Variants in CD81 observed in about 807,000 individuals in gnomAD.
The protein encoded by CD81 is CD81 antigen.
CD81 carries 10 observed loss-of-function variants against 30.1 expected under a neutral mutation model. The observed-to-expected ratio is 0.33, with a 90% CI of 0.21 to 0.56. The LOEUF is 0.56. Among genes scored for constraint, CD81 ranks in the 20% least tolerant of loss-of-function variants. CD81 has a pLI of 0.89. For synonymous variants in CD81, 147 were observed against 126.4 expected (o/e 1.16, Z -1.10); for missense variants, 263 against 308.7 (o/e 0.85, Z 1.11).
rs559101599 is a variant in CD81 at position 2,381,038 on chromosome 11, G to A, written c.66+3423G>A. On this transcript the variant is annotated intron_variant, in intron 1 of 7. Coordinates refer to ENST00000263645, the MANE Select transcript of CD81 (RefSeq NM_004356.4). The stretch of plus-strand genomic sequence containing the variant: ...CTTTCGCCGTCCTTCCGGGAGAGGG[G>A]CTGCAACCCTGGCAGGCGCTGTGGG... Among the ~76,000 whole-genome samples, 7 of 152,364 alleles carry A rather than the reference G, an allele frequency of 4.6e-5. No homozygotes were observed. In the East Asian group the frequency reaches 1.2e-3, roughly 25 times the overall value.
chr11:2,390,677 A>AG, intron 2 of CD81, 151 bp downstream of exon 2: 1 of 699,102 alleles, frequency 1.4e-6, no homozygotes, highest in Non-Finnish European at 2.6e-6. Context: ...TCTGGGCACA[A>AG]GGGTTGAGAT....
rs1186843322 is a variant in CD81, at chr11:2,397,312, C to T, written c.*446C>T. On this transcript the variant is annotated 3_prime_UTR_variant, in exon 8 of 8. Transcript: ENST00000263645. ...TGTGGGCACTCTCTGCCTTCATGCA[C>T]CTGTCCTTTCTAACACGTCGCCTTC... 4 of 247,842 alleles carry T rather than the reference C, an allele frequency of 1.6e-5. No homozygotes were observed. Among genetic ancestry groups the T allele is most frequent in the African/African-American group, 4.6e-5 (2 of 43,948 alleles). 15.4% of individuals were successfully genotyped at this position (247,842 alleles called of 1,614,324 possible).
intron 5 of CD81, 116 bp from the exon 6 acceptor site, chr11:2,395,753 G>A: frequency 1.2e-6 from 1 of 807,564 alleles, no homozygotes; most frequent in Non-Finnish European, 2.1e-6. Context: ...CTGGCCCCTG[G>A]ATGCATTCTG....
chr11:2,390,625 G>T, intron 2 of CD81, 99 bp downstream of exon 2: 1 of 867,362 alleles, frequency 1.2e-6, no homozygotes, highest in Non-Finnish European at 1.9e-6. Flanking sequence ...AAAGACAGTC[G>T]GGCATGGCGT....
At chr11:2,383,988 A>G (rs1030780523) in intron 1 of CD81, among the ~76,000 whole-genome samples, 2 of 151,966 alleles carry the variant, frequency 1.3e-5, no homozygotes, top group Non-Finnish European at 2.9e-5. Context: ...TGGGTAGGGG[A>G]GCTGACCTAG....
At chr11:2,382,934 C>T (rs552919770) in intron 1 of CD81, among the ~76,000 whole-genome samples, 1 of 152,306 alleles carries the variant, frequency 6.6e-6, no homozygotes, top group African/African-American at 2.4e-5. Flanking sequence ...GACTTCCTGG[C>T]TTCCCTGCCT....
At chr11:2,387,102 C>T (rs1374647234) in intron 1 of CD81, among the ~76,000 whole-genome samples, 2 of 152,242 alleles carry the variant, frequency 1.3e-5, no homozygotes, top group African/African-American at 4.8e-5. Context: ...GGATCATCCC[C>T]TCAGCGCCCA....
At chr11:2,390,105 T>TACC in intron 1 of CD81, 1 of 512,290 alleles carries the variant, frequency 2.0e-6, no homozygotes, top group South Asian at 2.0e-5. Flanking sequence ...AAAGAAGTAT[T>TACC]CTGTTTTCAT....
chr11:2,393,942 G>T (rs753141911), intron 2 of CD81, 153 bp from the exon 3 acceptor site: 5 of 713,556 alleles, frequency 7.0e-6, no homozygotes, highest in African/African-American at 7.0e-5. Flanking sequence ...GCCAGGCTGG[G>T]ATGTGAGGTC....
chr11:2,395,929 T>C lies in CD81; in HGVS notation c.520T>C (p.Leu174=). ...ALTTSVLKNN[L]CPSGSNIISN... Reference sequence around the variant, plus strand: ...GACCACCTCAGTGCTCAAGAACAATTTGTGTCCCTCGGGCAGCAACATCAT... The same window carrying C: ...GACCACCTCAGTGCTCAAGAACAATCTGTGTCCCTCGGGCAGCAACATCAT... The change falls in exon 6 of 8, where the codon TTG becomes CTG. Residue 174 remains leucine (L), a synonymous_variant. Transcript: ENST00000263645. The C allele has an allele frequency of 6.2e-7, 1 of 1,612,406 alleles. No homozygotes were observed. The highest frequency in any genetic ancestry group is 8.5e-7 in the Non-Finnish European group (1 of 1,179,734).
Position 2,377,457 on chromosome 11 carries a change from C to A in CD81, c.-93C>A. ...CGCCCCCGCCCCTCGGCCCGCCAGG[C>A]CCCCTTGCCGGCCACCCGCCAGGCC... On this transcript the variant is annotated 5_prime_UTR_variant, in exon 1 of 8. Coordinates refer to ENST00000263645, the MANE Select transcript of CD81 (RefSeq NM_004356.4). This position sits in a 1 kb window ranked among gnomAD's most constrained non-coding sequence, Gnocchi z 7.7. The A allele has an allele frequency of 2.8e-6, 1 of 351,014 alleles. No individual in the cohort carries two copies. Among genetic ancestry groups the A allele is most frequent in the Non-Finnish European group, 4.0e-6 (1 of 252,692 alleles). The allele number at this position is 351,014 out of a possible 1,614,324, so 21.7% of individuals were successfully genotyped here.
At chr11:2,395,770 G>A (rs1189674154) in intron 5 of CD81, 99 bp from the exon 6 acceptor site, 3 of 846,324 alleles carry the variant, frequency 3.5e-6, no homozygotes, top group South Asian at 1.3e-5. Context: ...TCTGCAGTGG[G>A]GAGCGCTGCG....
At chr11:2,380,574 C>T (rs2245131) in intron 1 of CD81, among the ~76,000 whole-genome samples, 99,999 of 151,976 alleles carry the variant, frequency 0.66, 34,756 homozygotes, top group Non-Finnish European at 0.8. Context: ...CCTGGGTGCG[C>T]GGCGGGCCCA....
chr11:2,385,771 A>G (rs1849786955), intron 1 of CD81: 1 of 571,034 alleles, frequency 1.8e-6, no homozygotes. Flanking sequence ...CCACATGTGC[A>G]AGCCAGCGAC....
chr11:2,377,609 C>A lies in CD81; in HGVS notation c.60C>A (p.Val20=). 1 of 1,544,948 alleles carries A rather than the reference C, an allele frequency of 6.5e-7. No homozygotes were observed. The highest frequency in any genetic ancestry group is 8.8e-7 in the Non-Finnish European group (1 of 1,142,772). Residue 20 remains valine, a synonymous_variant, in exon 1 of 8, where the codon GTC becomes GTA. Coordinates refer to ENST00000263645, the MANE Select transcript of CD81 (RefSeq NM_004356.4). The surrounding 1 kb of genome is among the most constrained non-coding windows in gnomAD (Gnocchi z 7.7). Reference sequence around the variant, plus strand: ...ACCTGCTCTTCGTCTTCAATTTCGTCTTCTGGGTAAGGGCTGCGCCGGGGG... The same window carrying A: ...ACCTGCTCTTCGTCTTCAATTTCGTATTCTGGGTAAGGGCTGCGCCGGGGG... ...IKYLLFVFNF[V]FWLAGGVILG...
In CD81 at chr11:2,397,139, T is replaced by C. The variant is rs1283084045; in HGVS notation, c.*273T>C. The C allele has an allele frequency of 2.0e-6, 1 of 511,342 alleles. No homozygotes were observed. The highest frequency in any genetic ancestry group is 1.9e-5 in the African/African-American group (1 of 51,294). The allele number at this position is 511,342 out of a possible 1,614,324, so 31.7% of individuals were successfully genotyped here. ...CTTCTGCCCTGGGGTCCCAGGGTGC[T>C]CTGCCTGCTCAGCCAGGCCTCTCCT... On this transcript the variant is annotated 3_prime_UTR_variant, in exon 8 of 8. Coordinates refer to ENST00000263645, the MANE Select transcript of CD81 (RefSeq NM_004356.4).
intron 6 of CD81, 172 bp from the exon 7 acceptor site, chr11:2,396,456 C>T (rs34106897): frequency 7.6e-6 from 5 of 662,070 alleles, no homozygotes; most frequent in South Asian, 6.7e-5. Flanking sequence ...GATAGCAAGC[C>T]GGCAGAGGCC....
chr11:2,394,275 G>A (rs969539539), intron 3 of CD81, 83 bp downstream of exon 3: 1 of 899,150 alleles, frequency 1.1e-6, no homozygotes, highest in Non-Finnish European at 1.8e-6. Flanking sequence ...CAGAGCTGGT[G>A]CTCAGGGCGG....
upstream of CD81, among the ~76,000 whole-genome samples, chr11:2,376,511 A>T (rs945548969): frequency 2.6e-5 from 4 of 152,240 alleles, no homozygotes; most frequent in African/African-American, 9.6e-5. Flanking sequence ...AGCCCAAAGC[A>T]GTAAGTGCAG....
Sources: allele counts gnomAD v4.1 joint callset (sites outside exome capture counted in the v4.1 genomes callset), GRCh38; gene constraint gnomAD v4.1.1; non-coding constraint Gnocchi (gnomAD v3.1); transcripts MANE v1.5; gene names NCBI Gene and HGNC (gene_info 2026-07-23, HGNC 2026-07-21).